Variants in NLRP9 observed in about 807,000 individuals in gnomAD.
NLRP9 encodes NLR family pyrin domain containing 9, also known as NACHT, LRR and PYD domains-containing protein 9.
Under a neutral mutation model 83.1 loss-of-function variants are expected in NLRP9, and 88 were observed. The observed-to-expected ratio is 1.06, with a 90% CI of 0.89 to 1.26. NLRP9 has a LOEUF of 1.26. NLRP9 is among the 50% of genes most tolerant of loss of function. The pLI, the probability that NLRP9 is intolerant of heterozygous loss-of-function variation, is 0.00. For missense variants in NLRP9, 1,308 were observed against 1,179.3 expected, an observed-to-expected ratio of 1.11 and a Z score of -1.60; for synonymous variants, 521 against 447.6, an observed-to-expected ratio of 1.16 and a Z score of -2.07.
chr19:55,712,379 A>G (rs770214283), intron 7 of NLRP9, 41 bp downstream of exon 7: 12 of 1,542,138 alleles, frequency 7.8e-6, no homozygotes, highest in Non-Finnish European at 1.1e-5. Flanking sequence ...TATTCTTGAA[A>G]TAGATAAATT....
At chr19:55,726,822 G>T (rs886183725) in intron 3 of NLRP9, among the ~76,000 whole-genome samples, 1 of 152,098 alleles carries the variant, frequency 6.6e-6, no homozygotes, top group African/African-American at 2.4e-5. Context: ...CTCAGCAATT[G>T]CATTTATCAT....
At chr19:55,730,035 A>C in intron 2 of NLRP9, 43 bp from the exon 3 acceptor site, 1 of 1,559,482 alleles carries the variant, frequency 6.4e-7, no homozygotes, top group Non-Finnish European at 8.8e-7. Flanking sequence ...GGCTAAACTC[A>C]ATTCAAGACA....
intron 1 of NLRP9, among the ~76,000 whole-genome samples, chr19:55,734,637 A>AT (rs201490500): frequency 0.021 from 2,212 of 106,946 alleles, 66 homozygotes; most frequent in African/African-American, 0.06. Flanking sequence ...ATATATATAT[A>AT]TTTTTTTTTT....
In NLRP9 at chr19:55,712,549, A is replaced by G. The variant is rs756863956; in HGVS notation, c.2543T>C (p.Ile848Thr). The change falls in exon 7 of 9, where the codon ATT becomes ACT. Residue 848 changes from isoleucine to threonine, a missense_variant. Coordinates refer to ENST00000332836, the MANE Select transcript of NLRP9 (RefSeq NM_176820.4). ...CFLTSDSCKD[I>T]AAVLICNGKL... ...CCCATTGCAAATAAGAACAGCAGCA[A>G]TGTCCTTACAGGAATCGGAAGTAAG... The G allele has an allele frequency of 7.4e-6, 12 of 1,612,522 alleles. No individual in the cohort carries two copies. In the Middle Eastern group the frequency reaches 8.2e-4, roughly 111 times the overall value.
chr19:55,720,818 T>G lies in NLRP9; in HGVS notation c.2159+3162A>C, dbSNP rs145921443. 3.6e-3 allele frequency among the ~76,000 whole-genome samples: 553 copies of G among 152,226 alleles called. 12 individuals are homozygous for G. The highest frequency in any genetic ancestry group is 0.033 in the Admixed American group (510 of 15,294). On this transcript the variant is annotated intron_variant, in intron 4 of 8. Transcript: ENST00000332836. ...TATAAGAAAAACACCTGTCAATCAATTAGAAAAAGACAGCCCAATAAAACA... is the reference window on the plus strand; with the variant it reads ...TATAAGAAAAACACCTGTCAATCAAGTAGAAAAAGACAGCCCAATAAAACA...
chr19:55,711,641 T>G, intron 8 of NLRP9, 159 bp downstream of exon 8: 1 of 876,282 alleles, frequency 1.1e-6, no homozygotes, highest in Non-Finnish European at 1.8e-6. Flanking sequence ...ACAATGTCAA[T>G]GGTTTTTATA....
At chr19:55,717,973 C>T (rs2122296380) in intron 4 of NLRP9, among the ~76,000 whole-genome samples, 1 of 152,304 alleles carries the variant, frequency 6.6e-6, no homozygotes, top group South Asian at 2.1e-4. Context: ...ACATAAGAAA[C>T]TCCACTTTGA....
intron 5 of NLRP9, 78 bp from the exon 6 acceptor site, chr19:55,715,303 C>T (rs1987967491): frequency 8.0e-7 from 1 of 1,249,824 alleles, no homozygotes; most frequent in South Asian, 1.4e-5. Context: ...ATCTCCCAGC[C>T]CACTGAAGCT....
intron 4 of NLRP9, among the ~76,000 whole-genome samples, chr19:55,717,632 CTG>C (rs887589881): frequency 3.9e-5 from 6 of 152,232 alleles, no homozygotes; most frequent in African/African-American, 7.2e-5. Context: ...AAAACCCAAA[CTG>C]TGTTTTTTTT....
chr19:55,726,352 C>T (rs893957015), intron 3 of NLRP9, among the ~76,000 whole-genome samples: 1 of 152,158 alleles, frequency 6.6e-6, no homozygotes. Flanking sequence ...CATTTGTTGA[C>T]TATTTGCCTT....
chr19:55,724,512 G>A (rs1030957193), intron 3 of NLRP9, among the ~76,000 whole-genome samples: 2 of 151,848 alleles, frequency 1.3e-5, no homozygotes, highest in African/African-American at 2.4e-5. Context: ...ATAAAATGAC[G>A]CACACATATC....
intron 4 of NLRP9, among the ~76,000 whole-genome samples, chr19:55,721,800 G>A (rs1274960620): frequency 6.6e-6 from 1 of 152,148 alleles, no homozygotes; most frequent in Non-Finnish European, 1.5e-5. Flanking sequence ...GTTTCACAAG[G>A]TCTGATGGTT....
At position 55,712,408 on chromosome 19, in the gene NLRP9, GTAGA is replaced by G. The variant is rs747475139; in HGVS notation, c.2672+8_2672+11del. 8 of 1,602,130 alleles carry G rather than the reference GTAGA, an allele frequency of 5.0e-6. No homozygotes were observed. The East Asian group carries it at 1.6e-4, about 31-fold the overall frequency. On this transcript the variant is annotated splice_region_variant and intron_variant, in intron 7 of 8. Coordinates refer to ENST00000332836, the MANE Select transcript of NLRP9 (RefSeq NM_176820.4). The stretch of plus-strand genomic sequence containing the variant: ...ATAAATTTTCCTACGATGGTGATCA[GTAGA>G]TACTCACCCGAGACACTCTAATTTA...
intron 8 of NLRP9, among the ~76,000 whole-genome samples, chr19:55,710,797 C>G (rs937210489): frequency 6.6e-6 from 1 of 152,100 alleles, no homozygotes; most frequent in African/African-American, 2.4e-5. Context: ...TATAAGTTAC[C>G]AGTCTCTGCC....
rs1047486267 is a variant in NLRP9 at position 55,716,657 on chromosome 19, G to A, written c.2330+71C>T. The A allele has an allele frequency of 1.8e-5, 23 of 1,314,200 alleles. No homozygotes were observed. In the African/African-American group the frequency reaches 2.9e-4, roughly 16 times the overall value. 81.4% of individuals were successfully genotyped at this position (1,314,200 alleles called of 1,614,324 possible). On this transcript the variant is annotated intron_variant, in intron 5 of 8. Coordinates refer to ENST00000332836, the MANE Select transcript of NLRP9 (RefSeq NM_176820.4). ...TGCACCCCTCAGTGAGCACCGCGTT[G>A]CTTTGATAATGGGTGGATCCAGGTG...
In NLRP9 at chr19:55,732,861, C is replaced by A. The variant is rs751314506; in HGVS notation, c.970G>T (p.Val324Leu). The change falls in exon 2 of 9, where the codon GTG (valine) becomes TTG (leucine). Residue 324 changes from valine (V) to leucine (L), a missense_variant. Coordinates refer to ENST00000332836, the MANE Select transcript of NLRP9 (RefSeq NM_176820.4). ...ATAAACAGCGGCCCATTATCTCTCA[C>A]AAAATTGAAGACTTTCAGGGCTTTG... ...KSKALKVFNF[V>L]RDNGPLFILC... 3 of 1,614,128 alleles carry A rather than the reference C, an allele frequency of 1.9e-6. No individual in the cohort carries two copies. Among genetic ancestry groups the A allele is most frequent in the Admixed American group, 1.7e-5 (1 of 60,006 alleles).
Position 55,730,020 on chromosome 19 carries a change from C to T in NLRP9, c.1833-28G>A, listed in dbSNP as rs759101289. On this transcript the variant is annotated intron_variant, in intron 2 of 8. Coordinates refer to ENST00000332836, the MANE Select transcript of NLRP9 (RefSeq NM_176820.4). ...ATGAGAGAACAAAGATTGTGATTCTCCAGTGGCTAAACTCAATTCAAGACA... is the reference window on the plus strand; with the variant it reads ...ATGAGAGAACAAAGATTGTGATTCTTCAGTGGCTAAACTCAATTCAAGACA... 6.3e-6 allele frequency: 10 copies of T among 1,598,248 alleles called. No individual in the cohort carries two copies. The Admixed American group carries it at 1.7e-4, about 28-fold the overall frequency.
intron 3 of NLRP9, among the ~76,000 whole-genome samples, chr19:55,726,037 G>A (rs944018474): frequency 1.3e-5 from 2 of 151,016 alleles, no homozygotes; most frequent in Non-Finnish European, 3.0e-5. Flanking sequence ...AAAAAAAAAA[G>A]AAAAACAGCA....
chr19:55,716,695 A>C, intron 5 of NLRP9, 33 bp downstream of exon 5: 1 of 1,593,724 alleles, frequency 6.3e-7, no homozygotes, highest in South Asian at 1.1e-5. Context: ...CGCTTCAGAA[A>C]TCTCCGAACG....
Sources: allele counts gnomAD v4.1 joint callset (sites outside exome capture counted in the v4.1 genomes callset), GRCh38; gene constraint gnomAD v4.1.1; transcripts MANE v1.5; gene names NCBI Gene and HGNC (gene_info 2026-07-23, HGNC 2026-07-21).